Variants in PIK3CD observed in about 807,000 individuals in gnomAD.
The protein encoded by PIK3CD is phosphatidylinositol-4,5-bisphosphate 3-kinase catalytic subunit delta.
PIK3CD carries 20 observed loss-of-function variants against 122.9 expected under a neutral mutation model. That is an observed-to-expected ratio of 0.16 (90% CI 0.11 to 0.24). The LOEUF is 0.24. PIK3CD is among the 10% of genes least tolerant of loss of function. PIK3CD has a pLI of 1.00. For synonymous variants in PIK3CD, 596 were observed against 593.4 expected (o/e 1.00, Z -0.06); for missense variants, 787 against 1,406.3 (o/e 0.56, Z 7.04).
At chr1:9,647,420 T>C (rs1644618750), upstream of PIK3CD, among the ~76,000 whole-genome samples, 1 of 151,312 alleles carries the variant, frequency 6.6e-6, no homozygotes, top group Non-Finnish European at 1.5e-5. Flanking sequence ...AATAATCATC[T>C]TTTAAAAGTT....
At chr1:9,658,722 G>A (rs1289066260) in intron 1 of PIK3CD, among the ~76,000 whole-genome samples, 2 of 151,942 alleles carry the variant, frequency 1.3e-5, no homozygotes, top group African/African-American at 2.4e-5. Flanking sequence ...TAGAGACAGG[G>A]TTTCGCCATA....
At chr1:9,706,387 G>A (rs2100712260) in intron 2 of PIK3CD, among the ~76,000 whole-genome samples, 1 of 151,870 alleles carries the variant, frequency 6.6e-6, no homozygotes, top group Non-Finnish European at 1.5e-5. Flanking sequence ...CAGCCACTCA[G>A]GAGGCTGAGG....
intron 1 of PIK3CD, among the ~76,000 whole-genome samples, chr1:9,675,115 G>C (rs1386821322): frequency 1.3e-5 from 2 of 151,852 alleles, no homozygotes; most frequent in South Asian, 2.1e-4. Flanking sequence ...GCCGGGCGCG[G>C]TGGCTCACAC....
chr1:9,705,682 A>G (rs929435273), intron 2 of PIK3CD, among the ~76,000 whole-genome samples: 2 of 152,260 alleles, frequency 1.3e-5, no homozygotes, highest in Non-Finnish European at 2.9e-5. Flanking sequence ...ACCCCACAGG[A>G]AAATGGGCAA....
chr1:9,729,098 G>A lies in PIK3CD; in HGVS notation c.*2052G>A, dbSNP rs1650164320. 1 of 152,162 alleles carries A rather than the reference G, an allele frequency of 6.6e-6. No homozygotes were observed. The highest frequency in any genetic ancestry group is 2.4e-5 in the African/African-American group (1 of 41,414). The allele number at this position is 152,162 out of a possible 1,614,324, so 9.4% of individuals were successfully genotyped here. ...TCATGAGTATACACATCTGCGAAGG[G>A]AAACCGCGCGGCGACAGCGTGAGGA... On this transcript the variant is annotated 3_prime_UTR_variant, in exon 24 of 24. Coordinates refer to ENST00000377346, the MANE Select transcript of PIK3CD (RefSeq NM_005026.5).
At chr1:9,725,273 G>A (rs1359832807) in intron 23 of PIK3CD, among the ~76,000 whole-genome samples, 1 of 152,224 alleles carries the variant, frequency 6.6e-6, no homozygotes, top group Non-Finnish European at 1.5e-5. Context: ...ATATTTTTTG[G>A]CCAGGCTGGG....
At chr1:9,671,231 C>G (rs1352744389) in intron 1 of PIK3CD, among the ~76,000 whole-genome samples, 1 of 152,062 alleles carries the variant, frequency 6.6e-6, no homozygotes. Context: ...TCCCAAGTAG[C>G]CAAGAGTACA....
At chr1:9,665,437 A>G (rs1399491470) in intron 1 of PIK3CD, among the ~76,000 whole-genome samples, 2 of 149,598 alleles carry the variant, frequency 1.3e-5, no homozygotes. Flanking sequence ...GTATTTTGGT[A>G]GAGATGGGGA....
At position 9,689,469 on chromosome 1, in the gene PIK3CD, G is replaced by A. The variant is rs1268351212; in HGVS notation, c.-137-1998G>A. On this transcript the variant is annotated intron_variant, in intron 1 of 23. Coordinates refer to ENST00000377346, the MANE Select transcript of PIK3CD (RefSeq NM_005026.5). This position sits in a 1 kb window ranked among gnomAD's most constrained non-coding sequence, Gnocchi z 6.1. ...CGCCGCCGGCCCCGGCCCCGCCCCA[G>A]CCCCGAGGACGCCCCGCCCCCAGCC... 8.0e-6 allele frequency among the ~76,000 whole-genome samples: 1 copy of A among 125,552 alleles called. No individual in the cohort carries two copies. The highest frequency in any genetic ancestry group is 2.9e-5 in the African/African-American group (1 of 34,474). The allele number at this position is 125,552 out of a possible 152,430, so 82.4% of individuals were successfully genotyped here.
rs565796294 is a variant in PIK3CD at position 9,674,966 on chromosome 1, G to A, written c.-137-16501G>A. Reference sequence around the variant, plus strand: ...GAGGATCGCTGCTTGAGCCTGGGAGGCAGAGGTTGCAGCGAGCCGAGATTG... The same window carrying A: ...GAGGATCGCTGCTTGAGCCTGGGAGACAGAGGTTGCAGCGAGCCGAGATTG... On this transcript the variant is annotated intron_variant, in intron 1 of 23. Transcript: ENST00000377346. Among the ~76,000 whole-genome samples, 4 of 150,248 alleles carry A rather than the reference G, an allele frequency of 2.7e-5. No individual in the cohort carries two copies. In the South Asian group the frequency reaches 8.4e-4, roughly 32 times the overall value.
Position 9,727,239 on chromosome 1 carries a change from C to G in PIK3CD, c.*193C>G. ...GGAGCTAAACAGCCATAAACGGAAA[C>G]GCCTCCTTCATGCAGCGGCGGTGCT... On this transcript the variant is annotated 3_prime_UTR_variant, in exon 24 of 24. Coordinates refer to ENST00000377346, the MANE Select transcript of PIK3CD (RefSeq NM_005026.5). 1.5e-6 allele frequency: 1 copy of G among 679,826 alleles called. No individual in the cohort carries two copies. The highest frequency in any genetic ancestry group is 2.5e-6 in the Non-Finnish European group (1 of 398,852). The allele number at this position is 679,826 out of a possible 1,614,324, so 42.1% of individuals were successfully genotyped here. A position where few individuals can be genotyped will look rare whatever the true frequency, so the allele number is the denominator to read the frequency against.
In PIK3CD at chr1:9,722,983, G is replaced by A; in HGVS notation, c.2427-142G>A. 1 of 836,868 alleles carries A rather than the reference G, an allele frequency of 1.2e-6. No homozygotes were observed. The highest frequency in any genetic ancestry group is 2.1e-6 in the Non-Finnish European group (1 of 487,098). The allele number at this position is 836,868 out of a possible 1,614,324, so 51.8% of individuals were successfully genotyped here. A position where few individuals can be genotyped will look rare whatever the true frequency, so the allele number is the denominator to read the frequency against. ...TGGTGCCGGCATCTCCAAGGAGCCAGCATCTCTCACCTGCTTTTTAGCAAT... is the reference window on the plus strand; with the variant it reads ...TGGTGCCGGCATCTCCAAGGAGCCAACATCTCTCACCTGCTTTTTAGCAAT... On this transcript the variant is annotated intron_variant, in intron 19 of 23. Coordinates refer to ENST00000377346, the MANE Select transcript of PIK3CD (RefSeq NM_005026.5). The surrounding 1 kb of genome is among the most constrained non-coding windows in gnomAD (Gnocchi z 7.6).
chr1:9,684,890 T>G (rs1309856860), intron 1 of PIK3CD, among the ~76,000 whole-genome samples: 4 of 148,196 alleles, frequency 2.7e-5, no homozygotes, highest in African/African-American at 9.9e-5. Flanking sequence ...GAATGAGCAA[T>G]GCAAACCCAA....
chr1:9,698,352 G>C (rs139913954), intron 2 of PIK3CD, among the ~76,000 whole-genome samples: 2,566 of 152,298 alleles, frequency 0.017, 60 homozygotes, highest in African/African-American at 0.055. Flanking sequence ...ACGTTGGTCA[G>C]GCTGGTCTCG....
rs770018055 is a variant in PIK3CD, at chr1:9,727,066, G to GC, written c.*23dup. ...CAGTAGTGGCTCCTCCCAGCCCTGG[G>GC]CCCAAGAGGAGGCGGCTGCGGGTCG... On this transcript the variant is annotated 3_prime_UTR_variant, in exon 24 of 24. Transcript: ENST00000377346. The GC allele has an allele frequency of 4.3e-6, 7 of 1,613,958 alleles. No homozygotes were observed. The South Asian group carries it at 7.7e-5, about 18-fold the overall frequency.
the PIK3CD span, among the ~76,000 whole-genome samples, chr1:9,646,241 T>TA: frequency 3.9e-5 from 6 of 152,234 alleles, no homozygotes; most frequent in Admixed American, 1.3e-4. Flanking sequence ...GGATAAGATT[T>TA]ACCTTGCTGG....
chr1:9,674,074 T>A, intron 1 of PIK3CD, among the ~76,000 whole-genome samples: 1 of 152,116 alleles, frequency 6.6e-6, no homozygotes, highest in East Asian at 1.9e-4. Flanking sequence ...CACCCCTGAT[T>A]CTGCTAGGTA....
chr1:9,695,712 T>C (rs530765014), intron 2 of PIK3CD, among the ~76,000 whole-genome samples: 131 of 151,772 alleles, frequency 8.6e-4, no homozygotes, highest in East Asian at 2.0e-3. Context: ...CGTGGTGGCA[T>C]GTGCCTGTAA....
rs1646763021 is a variant in PIK3CD, at chr1:9,704,669, T to C, written c.-32-5755T>C. Reference sequence around the variant, plus strand: ...CCGGGACTACAGGCGTGAGCCACCATGACCGGCTAATTTTTGTATTTTGTG... The same window carrying C: ...CCGGGACTACAGGCGTGAGCCACCACGACCGGCTAATTTTTGTATTTTGTG... On this transcript the variant is annotated intron_variant, in intron 2 of 23. Transcript: ENST00000377346. The surrounding 1 kb of genome is among the most constrained non-coding windows in gnomAD (Gnocchi z 5.0). 1.3e-5 allele frequency among the ~76,000 whole-genome samples: 2 copies of C among 152,172 alleles called. No individual in the cohort carries two copies. Among genetic ancestry groups the C allele is most frequent in the South Asian group, 4.1e-4 (2 of 4,824 alleles).
Sources: allele counts gnomAD v4.1 joint callset (sites outside exome capture counted in the v4.1 genomes callset), GRCh38; gene constraint gnomAD v4.1.1; non-coding constraint Gnocchi (gnomAD v3.1); transcripts MANE v1.5; gene names NCBI Gene and HGNC (gene_info 2026-07-23, HGNC 2026-07-21).